Variants in MDN1 observed in about 807,000 individuals in gnomAD.
The protein encoded by MDN1 is midasin AAA ATPase 1.
In MDN1, 266 loss-of-function variants were observed where a neutral mutation model predicts 669.2. The observed-to-expected ratio is 0.40, with a 90% confidence interval of 0.36 to 0.44. The LOEUF (loss-of-function observed/expected upper bound fraction) is 0.44, where lower values mean the gene tolerates loss of function less well. Ranked by LOEUF, MDN1 falls within the 20% of genes least tolerant of loss-of-function variation. The pLI, the probability that MDN1 is intolerant of heterozygous loss-of-function variation, is 1.00. For missense variants in MDN1, 5,940 were observed against 6,754.0 expected, an observed-to-expected ratio of 0.88 and a Z score of 4.22; for synonymous variants, 2,385 against 2,457.1, an observed-to-expected ratio of 0.97 and a Z score of 0.87.
intron 85 of MDN1, among the ~76,000 whole-genome samples, chr6:89,663,626 T>C (rs1454596136): frequency 1.3e-5 from 2 of 152,116 alleles, no homozygotes; most frequent in Admixed American, 1.3e-4. Flanking sequence ...AGGGAGAATG[T>C]TCATAAGATG....
chr6:89,758,827 C>A lies in MDN1; in HGVS notation c.2594G>T (p.Arg865Leu). Residue 865 changes from arginine (R) to leucine (L), a missense_variant, in exon 18 of 102, where the codon CGA (arginine) becomes CTA (leucine). Physicochemically the swap from Arg to Leu is moderately radical, Grantham distance 102. This residue lies in a region of MDN1 where 1,203 missense variants were observed against 1,268.9 expected (regional missense o/e 0.95). Coordinates refer to ENST00000369393, the MANE Select transcript of MDN1 (RefSeq NM_014611.3). ...GATTCAAGTGCTACCTGTGTCTCCTCGATCCAGCAACACCAGGGATCCAGA... is the reference window on the plus strand; with the variant it reads ...GATTCAAGTGCTACCTGTGTCTCCTAGATCCAGCAACACCAGGGATCCAGA... ...GSSGSLVLLD[R>L]GDTEPLVRHP... The A allele has an allele frequency of 6.2e-7, 1 of 1,614,126 alleles. No homozygotes were observed. Among genetic ancestry groups the A allele is most frequent in the Non-Finnish European group, 8.5e-7 (1 of 1,180,016 alleles).
At chr6:89,716,865 T>C (rs1265084011) in intron 43 of MDN1, 56 bp from the exon 44 acceptor site, 1 of 1,471,704 alleles carries the variant, frequency 6.8e-7, no homozygotes, top group African/African-American at 1.4e-5. Context: ...AAACAAAGAA[T>C]TAAGTTTATG....
chr6:89,682,876 G>T (rs4706347), intron 73 of MDN1, among the ~76,000 whole-genome samples: 82,683 of 149,650 alleles, frequency 0.55, 23,668 homozygotes, highest in East Asian at 0.9. Flanking sequence ...GAGTCCAGGA[G>T]GTTGAGACTG....
intron 36 of MDN1, among the ~76,000 whole-genome samples, chr6:89,728,445 A>G (rs1412336104): frequency 6.6e-6 from 1 of 152,234 alleles, no homozygotes; most frequent in Non-Finnish European, 1.5e-5. Flanking sequence ...ATCCAGAGAG[A>G]ATTAATATTA....
Position 89,743,653 on chromosome 6 carries a change from C to T in MDN1, c.4240G>A (p.Val1414Ile). ...AALANQKLYS[V>I]SCHLHMETSD... ...GTCTCCATGTGTAAGTGGCAGCTGA[C>T]AGAGTATAATTTCTGATTTGCCAAG... Residue 1414 changes from valine (V) to isoleucine (I), a missense_variant, in exon 30 of 102, where the codon GTC becomes ATC. Around this residue, in one of 5 missense-constraint regions of MDN1, gnomAD observed 2,292 missense variants for 2,638.3 expected, o/e 0.87. Transcript: ENST00000369393. 1.2e-6 allele frequency: 2 copies of T among 1,614,148 alleles called. No individual in the cohort carries two copies. The highest frequency in any genetic ancestry group is 1.6e-4 in the Middle Eastern group (1 of 6,062).
Position 89,708,543 on chromosome 6 carries a change from C to T in MDN1, c.7851G>A (p.Thr2617=), listed in dbSNP as rs2026634. 1,359,225 of 1,613,746 alleles carry T rather than the reference C, an allele frequency of 0.84. 573,800 individuals carry two copies. Among genetic ancestry groups the T allele is most frequent in the East Asian group, 1 (44,844 of 44,874 alleles). The part of the protein sequence containing the change: ...IRNLMDFDPQ[T]DQPDQLFALL... ...GGGCAAAGAGCTGGTCAGGCTGGTC[C>T]GTTTGTGGGTCAAAGTCCATCAAAT... The change falls in exon 51 of 102, where the codon ACG becomes ACA. Residue 2617 remains threonine, a synonymous_variant. Coordinates refer to ENST00000369393, the MANE Select transcript of MDN1 (RefSeq NM_014611.3).
intron 1 of MDN1, among the ~76,000 whole-genome samples, chr6:89,809,796 A>C (rs1274031576): frequency 3.7e-4 from 50 of 136,530 alleles, no homozygotes; most frequent in African/African-American, 1.4e-3. Flanking sequence ...AATAAAATAA[A>C]ATAAAATAAA....
intron 12 of MDN1, 42 bp downstream of exon 12, chr6:89,776,541 AAGCAAGCAAAAAATCCT>A (rs1333046100): frequency 7.5e-7 from 1 of 1,341,190 alleles, no homozygotes; most frequent in African/African-American, 1.5e-5. Context: ...ACCAGCAAGC[AAGCAAGCAAAAAATCCT>A]AGCCTCCTTT....
rs759836302 is a variant in MDN1, at chr6:89,713,270, G to C, written c.7096C>G (p.Leu2366Val). ...ACAATTAGTATGGCTGTCTGGATTA[G>C]AGTTGATACAGAAGATGTTGGAGAA... ...VGSPTSSVSTLIQTAILIVQY... is the reference protein window; with the variant it reads ...VGSPTSSVSTVIQTAILIVQY... The change falls in exon 47 of 102, where the codon CTA becomes GTA. Residue 2366 changes from leucine to valine, a missense_variant. This residue lies in a region of MDN1 where 2,292 missense variants were observed against 2,638.3 expected (regional missense o/e 0.87). Coordinates refer to ENST00000369393, the MANE Select transcript of MDN1 (RefSeq NM_014611.3). The C allele has an allele frequency of 3.7e-6, 6 of 1,613,138 alleles. 1 individual carries two copies. The highest frequency in any genetic ancestry group is 3.3e-5 in the South Asian group (3 of 91,028).
chr6:89,748,813 A>G (rs1816801575), intron 26 of MDN1, among the ~76,000 whole-genome samples: 1 of 151,978 alleles, frequency 6.6e-6, no homozygotes, highest in Non-Finnish European at 1.5e-5. Flanking sequence ...TAATCCCAAA[A>G]CTTTGGGAGA....
chr6:89,698,995 A>C lies in MDN1; in HGVS notation c.9038T>G (p.Phe3013Cys). Residue 3013 changes from phenylalanine to cysteine, a missense_variant, in exon 59 of 102, where the codon TTT (phenylalanine) becomes TGT (cysteine). Transcript: ENST00000369393. Reference sequence around the variant, plus strand: ...CCAGAAAGACATAAACATGGAATTAAATAACTCGGACCACAAAGATGTAAT... The same window carrying C: ...CCAGAAAGACATAAACATGGAATTACATAACTCGGACCACAAAGATGTAAT... ...EEITSLWSEL[F>C]NSMFMSFWSS... 4 of 1,614,004 alleles carry C rather than the reference A, an allele frequency of 2.5e-6. No individual in the cohort carries two copies. Among genetic ancestry groups the C allele is most frequent in the Non-Finnish European group, 3.4e-6 (4 of 1,179,920 alleles).
intron 17 of MDN1, among the ~76,000 whole-genome samples, 198 bp from the exon 18 acceptor site, chr6:89,759,158 A>G (rs1001321181): frequency 1.3e-5 from 2 of 152,222 alleles, no homozygotes; most frequent in South Asian, 4.1e-4. Flanking sequence ...GGTCAAGGGA[A>G]TATCTTTGAG....
intron 11 of MDN1, among the ~76,000 whole-genome samples, chr6:89,778,940 A>G (rs895820994): frequency 4.7e-5 from 7 of 149,912 alleles, no homozygotes; most frequent in Non-Finnish European, 1.5e-5. Flanking sequence ...ATAAAAAAAA[A>G]GGTATAGGGC....
Position 89,661,526 on chromosome 6 carries a change from A to C in MDN1, c.14618T>G (p.Val4873Gly), listed in dbSNP as rs751860485. ...AAGGTCCAAAGCCTCGGGTTCTGGCACCTTTTCCTGATTGCCATGGTAAGG... is the reference window on the plus strand; with the variant it reads ...AAGGTCCAAAGCCTCGGGTTCTGGCCCCTTTTCCTGATTGCCATGGTAAGG... ...VDPYHGNQEK[V>G]PEPEALDLPD... The change falls in exon 88 of 102, where the codon GTG (valine) becomes GGG (glycine). Residue 4873 changes from valine to glycine, a missense_variant. Physicochemically the swap from Val to Gly is moderately radical, Grantham distance 109. Coordinates refer to ENST00000369393, the MANE Select transcript of MDN1 (RefSeq NM_014611.3). 8 of 1,614,060 alleles carry C rather than the reference A, an allele frequency of 5.0e-6. No individual in the cohort carries two copies. The Admixed American group carries it at 5.0e-5, about 10-fold the overall frequency.
At chr6:89,646,727 A>G (rs1205902799) in intron 99 of MDN1, 124 bp from the exon 100 acceptor site, 2 of 748,888 alleles carry the variant, frequency 2.7e-6, no homozygotes, top group African/African-American at 1.8e-5. Flanking sequence ...TTTACAGACC[A>G]TCAACTAACT....
Position 89,678,788 on chromosome 6 carries a change from T to A in MDN1, c.12266-43A>T, listed in dbSNP as rs1421843433. 3 of 1,581,530 alleles carry A rather than the reference T, an allele frequency of 1.9e-6. No homozygotes were observed. The African/African-American group carries it at 4.1e-5, about 21-fold the overall frequency. ...GCGGGGAGGGGAGACAATAAGAAAA[T>A]CCCAGGGGTCTGGTAATGTGTTTGT... On this transcript the variant is annotated intron_variant, in intron 74 of 101. Coordinates refer to ENST00000369393, the MANE Select transcript of MDN1 (RefSeq NM_014611.3).
At chr6:89,781,852 C>T (rs1818690836) in intron 9 of MDN1, among the ~76,000 whole-genome samples, 1 of 152,080 alleles carries the variant, frequency 6.6e-6, no homozygotes, top group Non-Finnish European at 1.5e-5. Context: ...GGGCACGGTG[C>T]CGTGTGCCTG....
rs571431139 is a variant in MDN1 at position 89,690,653 on chromosome 6, C to A, written c.10749+20G>T. On this transcript the variant is annotated intron_variant, in intron 64 of 101. Transcript: ENST00000369393. ...TCAAGGGAATTCATTCCAAAACACA[C>A]CCTGCCATCACTGCTCTACCTTTTC... 5.3e-5 allele frequency: 85 copies of A among 1,613,310 alleles called. No homozygotes were observed. The East Asian group carries it at 9.8e-4, about 19-fold the overall frequency.
At chr6:89,770,400 C>CAA (rs572130757) in intron 15 of MDN1, among the ~76,000 whole-genome samples, 3 of 61,084 alleles carry the variant, frequency 4.9e-5, no homozygotes, top group East Asian at 5.0e-4. Context: ...GACTCTGTCT[C>CAA]AAAAAAAAAA....
Sources: gnomAD v4.1 joint callset for allele counts (sites outside exome capture counted in the v4.1 genomes callset) on GRCh38, gnomAD v4.1.1 for gene constraint, gnomAD v4.1.1 regional missense constraint, MANE v1.5 for transcripts, NCBI Gene and HGNC (gene_info 2026-07-23, HGNC 2026-07-21) for gene names.